CCDC7: variants seen among roughly 807,000 people sequenced by gnomAD.
CCDC7 encodes coiled-coil domain containing 7.
In CCDC7, 183 loss-of-function variants were observed where a neutral mutation model predicts 196.9. The ratio of observed to expected loss-of-function variants is 0.93; its 90% confidence interval spans 0.82 to 1.05. The LOEUF (loss-of-function observed/expected upper bound fraction) is 1.05. CCDC7 is among the 50% of genes least tolerant of loss of function. The probability of loss-of-function intolerance (pLI) is 0.00; values close to 1 mark genes in which losing one functional copy is unlikely to be tolerated. For synonymous variants in CCDC7, 525 were observed against 484.6 expected (o/e 1.08, Z -1.10); for missense variants, 1,540 against 1,482.2 (o/e 1.04, Z -0.64).
At chr10:32,639,659 G>T (rs1198935664) in intron 20 of CCDC7, among the ~76,000 whole-genome samples, 2 of 145,586 alleles carry the variant, frequency 1.4e-5, no homozygotes, top group Non-Finnish European at 1.5e-5. Flanking sequence ...ATGGAGTCTA[G>T]CTTTGTCGTC....
Position 32,681,745 on chromosome 10 carries a change from AC to A in CCDC7, c.2123-4224del, listed in dbSNP as rs1264629303. On this transcript the variant is annotated intron_variant, in intron 21 of 41. Transcript: ENST00000639629. ...TCAGTGTATTTATATGTATACACAC[AC>A]ACACACACACACACACACACACACA... Among the ~76,000 whole-genome samples the A allele has an allele frequency of 5.9e-3, 526 of 89,002 alleles. 4 individuals are homozygous for A. The highest frequency in any genetic ancestry group is 0.016 in the African/African-American group (506 of 32,642). The allele number at this position is 89,002 out of a possible 152,430, so 58.4% of individuals were successfully genotyped here. A position where few individuals can be genotyped will look rare whatever the true frequency, so the allele number is the denominator to read the frequency against.
chr10:32,483,491 G>A (rs540208873), intron 8 of CCDC7, among the ~76,000 whole-genome samples: 3 of 152,266 alleles, frequency 2.0e-5, no homozygotes, highest in South Asian at 2.1e-4. Context: ...AAGAAGCTCT[G>A]TAGTTTAATT....
At chr10:32,821,105 C>G (rs1243089485) in intron 31 of CCDC7, among the ~76,000 whole-genome samples, 2 of 152,116 alleles carry the variant, frequency 1.3e-5, no homozygotes, top group East Asian at 1.9e-4. Flanking sequence ...ACAATGAACT[C>G]AAACAAATTT....
At chr10:32,603,656 A>G (rs2061303985) in intron 18 of CCDC7, among the ~76,000 whole-genome samples, 1 of 150,988 alleles carries the variant, frequency 6.6e-6, no homozygotes, top group Non-Finnish European at 1.5e-5. Context: ...TTCGATCTAG[A>G]ATAAAATGAT....
At chr10:32,766,076 A>G (rs772172707) in intron 28 of CCDC7, among the ~76,000 whole-genome samples, 1 of 152,044 alleles carries the variant, frequency 6.6e-6, no homozygotes, top group Non-Finnish European at 1.5e-5. Flanking sequence ...CCTCTTGAGT[A>G]AAAAGTACTC....
upstream of CCDC7, chr10:32,451,452 C>G: frequency 1.5e-6 from 1 of 653,726 alleles, no homozygotes; most frequent in Non-Finnish European, 2.3e-6. Context: ...CTCAAAAAAG[C>G]CTGAAGTGTA....
At chr10:32,678,676 C>T (rs2075394049) in intron 21 of CCDC7, among the ~76,000 whole-genome samples, 1 of 152,150 alleles carries the variant, frequency 6.6e-6, no homozygotes, top group Non-Finnish European at 1.5e-5. Context: ...TATACCATAA[C>T]AGGCTGGGAA....
At chr10:32,779,764 G>A (rs538555767) in intron 29 of CCDC7, among the ~76,000 whole-genome samples, 113 of 152,294 alleles carry the variant, frequency 7.4e-4, no homozygotes, top group African/African-American at 2.6e-3. Context: ...CCAACTTTGT[G>A]AGAGCTTCAG....
At chr10:32,863,197 G>A (rs181741831) in intron 41 of CCDC7, among the ~76,000 whole-genome samples, 1 of 152,080 alleles carries the variant, frequency 6.6e-6, no homozygotes, top group African/African-American at 2.4e-5. Context: ...AGACAAAGCA[G>A]TTACAGATAA....
intron 18 of CCDC7, among the ~76,000 whole-genome samples, chr10:32,592,247 T>G (rs2059848347): frequency 6.6e-6 from 1 of 152,156 alleles, no homozygotes; most frequent in Non-Finnish European, 1.5e-5. Context: ...TTTTATTCAA[T>G]CTAGCTAAAT....
intron 24 of CCDC7, among the ~76,000 whole-genome samples, chr10:32,704,424 G>A (rs1178466425): frequency 6.6e-6 from 1 of 152,076 alleles, no homozygotes; most frequent in African/African-American, 2.4e-5. Flanking sequence ...TCCCTACTGG[G>A]GGGTGCCTCC....
chr10:32,590,957 G>A (rs986933028), intron 18 of CCDC7, among the ~76,000 whole-genome samples: 2 of 151,958 alleles, frequency 1.3e-5, no homozygotes, highest in Non-Finnish European at 1.5e-5. Flanking sequence ...AATGCCTTGA[G>A]GTAGTTTTCT....
At chr10:32,816,638 C>G (rs1227772589) in intron 31 of CCDC7, among the ~76,000 whole-genome samples, 1 of 152,180 alleles carries the variant, frequency 6.6e-6, no homozygotes, top group Non-Finnish European at 1.5e-5. Flanking sequence ...TGAGACAAAA[C>G]TTCCAGAGGA....
intron 33 of CCDC7, among the ~76,000 whole-genome samples, chr10:32,835,960 A>AT (rs1351511429): frequency 6.6e-6 from 1 of 152,172 alleles, no homozygotes; most frequent in Non-Finnish European, 1.5e-5. Flanking sequence ...GAAGAGGAGT[A>AT]TAACAGTCAT....
chr10:32,718,965 T>C (rs1049826473), intron 25 of CCDC7, among the ~76,000 whole-genome samples: 3 of 152,176 alleles, frequency 2.0e-5, no homozygotes, highest in Non-Finnish European at 4.4e-5. Context: ...AATTTATAGA[T>C]TCAATGCTAT....
chr10:32,711,585 T>G (rs1014949219), intron 24 of CCDC7, 35 bp from the exon 26 acceptor site: 5 of 1,299,122 alleles, frequency 3.8e-6, no homozygotes, highest in Middle Eastern at 1.8e-4. Flanking sequence ...AGATTTGTTT[T>G]TCTAGTAAGG....
chr10:32,738,822 C>T (rs2085331213), intron 28 of CCDC7, among the ~76,000 whole-genome samples: 1 of 151,986 alleles, frequency 6.6e-6, no homozygotes, highest in Non-Finnish European at 1.5e-5. Flanking sequence ...TTTATGTAGA[C>T]CTGTGTTTCT....
intron 13 of CCDC7, among the ~76,000 whole-genome samples, chr10:32,546,976 A>G (rs1213896011): frequency 2.6e-5 from 4 of 151,860 alleles, no homozygotes; most frequent in African/African-American, 9.7e-5. Flanking sequence ...GTATCATAGC[A>G]CCTTTCCTCC....
intron 8 of CCDC7, among the ~76,000 whole-genome samples, chr10:32,483,157 C>T (rs1166840242): frequency 2.6e-5 from 4 of 152,126 alleles, no homozygotes; most frequent in South Asian, 2.1e-4. Flanking sequence ...CTCTCCAGCA[C>T]CTGTTGTTTC....
Sources: gnomAD v4.1 joint callset for allele counts (sites outside exome capture counted in the v4.1 genomes callset) on GRCh38, gnomAD v4.1.1 for gene constraint, MANE v1.5 for transcripts, NCBI Gene and HGNC (gene_info 2026-07-23, HGNC 2026-07-21) for gene names.